The following PCDH7 variants were observed in gnomAD, a reference collection of about 807,000 sequenced individuals.
The protein encoded by PCDH7 is protocadherin 7, also known as protocadherin-7.
In PCDH7, 17 loss-of-function variants were observed where a neutral mutation model predicts 58.9. That is an observed-to-expected ratio of 0.29 (90% confidence interval 0.20 to 0.43). The LOEUF is 0.43. PCDH7 is among the 20% of genes least tolerant of loss of function. PCDH7 has a pLI of 1.00. For synonymous variants in PCDH7, 664 were observed against 616.4 expected (o/e 1.08, Z -1.14); for missense variants, 1,274 against 1,441.0 (o/e 0.88, Z 1.88).
At chr4:30,833,858 G>A (rs1730125781) in intron 1 of PCDH7, among the ~76,000 whole-genome samples, 1 of 152,160 alleles carries the variant, frequency 6.6e-6, no homozygotes, top group Non-Finnish European at 1.5e-5. Context: ...GTTGTATAAA[G>A]ATGACGGAAA....
At chr4:30,835,297 G>A (rs1730345582) in intron 1 of PCDH7, among the ~76,000 whole-genome samples, 1 of 152,170 alleles carries the variant, frequency 6.6e-6, no homozygotes, top group Admixed American at 6.5e-5. Flanking sequence ...GCACAGGCAA[G>A]CGAGCATTAC....
At chr4:30,969,942 C>T (rs1484044632) in intron 3 of PCDH7, among the ~76,000 whole-genome samples, 4 of 152,136 alleles carry the variant, frequency 2.6e-5, no homozygotes, top group Non-Finnish European at 4.4e-5. Context: ...CTGTCTACCA[C>T]TTCCTGTGTA....
chr4:31,041,406 A>C (rs1034590080), intron 3 of PCDH7, among the ~76,000 whole-genome samples: 2 of 152,120 alleles, frequency 1.3e-5, no homozygotes, highest in Non-Finnish European at 2.9e-5. Context: ...GTGTATTTTA[A>C]AGAGCATGCT....
chr4:31,054,965 G>A (rs1306517988), intron 3 of PCDH7, among the ~76,000 whole-genome samples: 2 of 152,100 alleles, frequency 1.3e-5, no homozygotes, highest in East Asian at 3.9e-4. Flanking sequence ...ACTAACTGCT[G>A]TAATGATCTT....
chr4:31,116,098 G>A (rs1162341772), intron 3 of PCDH7, among the ~76,000 whole-genome samples: 1 of 152,160 alleles, frequency 6.6e-6, no homozygotes, highest in Non-Finnish European at 1.5e-5. Flanking sequence ...CAAGGGAGGG[G>A]AGAGAAATGA....
intron 3 of PCDH7, among the ~76,000 whole-genome samples, chr4:30,999,675 G>A (rs1307523149): frequency 6.6e-6 from 1 of 152,036 alleles, no homozygotes; most frequent in South Asian, 2.1e-4. Flanking sequence ...AAATAGCAAT[G>A]CACTGTAATG....
intron 1 of PCDH7, among the ~76,000 whole-genome samples, chr4:30,838,697 T>C (rs1730827206): frequency 6.6e-6 from 1 of 151,980 alleles, no homozygotes; most frequent in South Asian, 2.1e-4. Flanking sequence ...TTCAGATTGG[T>C]TCTCTCTATG....
At chr4:31,134,136 T>C (rs1451342268) in intron 3 of PCDH7, among the ~76,000 whole-genome samples, 1 of 152,114 alleles carries the variant, frequency 6.6e-6, no homozygotes, top group East Asian at 1.9e-4. Context: ...GTGATATTGG[T>C]CAGTCTATTA....
chr4:31,056,469 G>T (rs1167986646), intron 3 of PCDH7, among the ~76,000 whole-genome samples: 1 of 120,858 alleles, frequency 8.3e-6, no homozygotes, highest in African/African-American at 3.1e-5. Context: ...AAGAAAGAAA[G>T]AAAGAAAGAA....
intron 1 of PCDH7, among the ~76,000 whole-genome samples, chr4:30,787,665 G>A (rs1034711410): frequency 2.2e-4 from 33 of 152,042 alleles, no homozygotes; most frequent in African/African-American, 7.9e-4. Context: ...AATTTATTGA[G>A]GATGAATTGC....
chr4:30,929,810 C>T (rs1033644339), intron 2 of PCDH7, among the ~76,000 whole-genome samples: 14 of 152,124 alleles, frequency 9.2e-5, no homozygotes, highest in African/African-American at 2.9e-4. Context: ...TTCCTCAGAA[C>T]CCCAGTGCCC....
intron 3 of PCDH7, among the ~76,000 whole-genome samples, chr4:31,064,430 C>T (rs1757922906): frequency 6.6e-6 from 1 of 151,882 alleles, no homozygotes; most frequent in African/African-American, 2.4e-5. Context: ...TGTCCTAAGG[C>T]TTTTGTAATC....
intron 2 of PCDH7, among the ~76,000 whole-genome samples, chr4:30,940,654 A>G (rs1164392322): frequency 6.6e-6 from 1 of 151,978 alleles, no homozygotes; most frequent in African/African-American, 2.4e-5. Flanking sequence ...CAACCAGGAA[A>G]TGTATTACTT....
rs1713615728 is a variant in PCDH7, at chr4:30,721,833, C to T, written c.411C>T (p.Asn137=). ...GTCAGGTCATCGTGCTTGACATCAA[C>T]GACAACACGCCCACCTTCCCGTCGC... Residue 137 remains asparagine, a synonymous_variant, in exon 1 of 2, where the codon AAC becomes AAT. Coordinates refer to ENST00000361762, the Ensembl canonical transcript of PCDH7. This position sits in a 1 kb window ranked among gnomAD's most constrained non-coding sequence, Gnocchi z 6.7. The T allele has an allele frequency of 3.7e-6, 6 of 1,610,698 alleles. No individual in the cohort carries two copies. The highest frequency in any genetic ancestry group is 4.2e-6 in the Non-Finnish European group (5 of 1,178,782).
At chr4:30,895,532 T>G (rs562609371) in intron 1 of PCDH7, among the ~76,000 whole-genome samples, 1 of 152,314 alleles carries the variant, frequency 6.6e-6, no homozygotes, top group African/African-American at 2.4e-5. Flanking sequence ...TCATGAATGT[T>G]ATTTTCCCCT....
chr4:30,816,444 T>G (rs2109317806), intron 1 of PCDH7, among the ~76,000 whole-genome samples: 1 of 152,322 alleles, frequency 6.6e-6, no homozygotes, highest in Admixed American at 6.5e-5. Flanking sequence ...GACACTGACC[T>G]TTTAAAATAT....
chr4:31,144,182 A>T (rs1048067502), downstream of PCDH7: 3 of 152,168 alleles, frequency 2.0e-5, no homozygotes, highest in Non-Finnish European at 4.4e-5. Flanking sequence ...GCAATATAGA[A>T]ATATTTTGAG....
intron 3 of PCDH7, among the ~76,000 whole-genome samples, chr4:31,048,915 A>G (rs374319273): frequency 7.9e-5 from 12 of 152,156 alleles, no homozygotes; most frequent in African/African-American, 2.9e-4. Context: ...ATAAAAGTAT[A>G]GTCAGGACAA....
rs1273349093 is a variant in PCDH7, at chr4:30,804,164, G to A, written c.70+79568G>A. 2.6e-5 allele frequency among the ~76,000 whole-genome samples: 4 copies of A among 152,170 alleles called. No individual in the cohort carries two copies. In the East Asian group the frequency reaches 7.7e-4, roughly 29 times the overall value. ...TTTAAAATAGGTTATATTATCATAT[G>A]TTTAAATGTAAATTGGCATGACCTA... On this transcript the variant is annotated intron_variant, in intron 1 of 3. Transcript: ENST00000509759.
Sources: allele counts gnomAD v4.1 joint callset (sites outside exome capture counted in the v4.1 genomes callset), GRCh38; gene constraint gnomAD v4.1.1; non-coding constraint Gnocchi (gnomAD v3.1); transcripts MANE v1.5; gene names NCBI Gene and HGNC (gene_info 2026-07-23, HGNC 2026-07-21).